KCNQ1: variants seen among roughly 807,000 people sequenced by gnomAD.
KCNQ1 encodes the protein potassium voltage-gated channel subfamily Q member 1.
In KCNQ1, 49 loss-of-function variants were observed where a neutral mutation model predicts 72.4. The ratio of observed to expected loss-of-function variants is 0.68; its 90% confidence interval spans 0.54 to 0.86. The LOEUF is 0.86. Ranked by LOEUF, KCNQ1 falls within the 40% of genes least tolerant of loss-of-function variation. The probability of loss-of-function intolerance (pLI) is 0.00; values close to 1 mark genes in which losing one functional copy is unlikely to be tolerated. For missense variants in KCNQ1, 790 were observed against 945.1 expected, an observed-to-expected ratio of 0.84 and a Z score of 2.15; for synonymous variants, 450 against 412.6, an observed-to-expected ratio of 1.09 and a Z score of -1.10.
intron 11 of KCNQ1, among the ~76,000 whole-genome samples, chr11:2,743,224 C>T (rs1290345240): frequency 1.3e-5 from 2 of 152,100 alleles, no homozygotes; most frequent in African/African-American, 2.4e-5. Flanking sequence ...CCTAGACTCC[C>T]GTACCATGCG....
Position 2,621,384 on chromosome 11 carries a change from A to G in KCNQ1, c.1393+32530A>G, listed in dbSNP as rs538476426. On this transcript the variant is annotated intron_variant, in intron 10 of 15. Transcript: ENST00000155840. The surrounding 1 kb of genome is among the most constrained non-coding windows in gnomAD (Gnocchi z 5.7). ...TATGTTCCTGTCCTTTGCCAATTCA[A>G]TTGGATTATTCGTTTTTTGCTTGTT... 4 of 398,496 alleles carry G rather than the reference A, an allele frequency of 1.0e-5. No homozygotes were observed. The highest frequency in any genetic ancestry group is 2.1e-5 in the African/African-American group (1 of 48,700). The allele number at this position is 398,496 out of a possible 1,614,324, so 24.7% of individuals were successfully genotyped here.
At chr11:2,821,628 T>C (rs537578611) in intron 15 of KCNQ1, among the ~76,000 whole-genome samples, 112 of 152,274 alleles carry the variant, frequency 7.4e-4, no homozygotes, top group Non-Finnish European at 1.4e-3. Flanking sequence ...TCCAAGGCCT[T>C]TGGGATGGGC....
intron 15 of KCNQ1, among the ~76,000 whole-genome samples, chr11:2,779,826 G>T (rs930004385): frequency 2.6e-5 from 4 of 152,218 alleles, no homozygotes; most frequent in African/African-American, 9.6e-5. Context: ...GTCGGTGTGG[G>T]GGCCTGCAGA....
intron 15 of KCNQ1, among the ~76,000 whole-genome samples, chr11:2,779,968 T>C (rs2133995009): frequency 6.6e-6 from 1 of 152,356 alleles, no homozygotes; most frequent in African/African-American, 2.4e-5. Context: ...GGCCACATCC[T>C]GGTGCCCTGT....
chr11:2,616,992 ATATT>A, intron 10 of KCNQ1: 2 of 397,920 alleles, frequency 5.0e-6, no homozygotes, highest in South Asian at 2.5e-4. Context: ...AAAAATATGC[ATATT>A]TAGTGTATAA....
Position 2,703,186 on chromosome 11 carries a change from C to T in KCNQ1, c.1514+41105C>T, listed in dbSNP as rs1273863095. Among the ~76,000 whole-genome samples the T allele has an allele frequency of 6.6e-6, 1 of 152,154 alleles. No homozygotes were observed. The highest frequency in any genetic ancestry group is 1.5e-5 in the Non-Finnish European group (1 of 68,028). On this transcript the variant is annotated intron_variant, in intron 11 of 15. Coordinates refer to ENST00000155840, the MANE Select transcript of KCNQ1 (RefSeq NM_000218.3). This position sits in a 1 kb window ranked among gnomAD's most constrained non-coding sequence, Gnocchi z 6.4. Reference sequence around the variant, plus strand: ...ATGGCAGAATTCTGGGAGGGGGCTGCAGTCACGGCCAGCTCCCTTTCTGAA... The same window carrying T: ...ATGGCAGAATTCTGGGAGGGGGCTGTAGTCACGGCCAGCTCCCTTTCTGAA...
rs1413774189 is a variant in KCNQ1 at position 2,816,262 on chromosome 11, C to A, written c.1795-31505C>A. The stretch of plus-strand genomic sequence containing the variant: ...AAAGATTCAGGTTGTGGGAGGGAGA[C>A]TTGAAGGGCAAGTTGGCCAAGACTA... On this transcript the variant is annotated intron_variant, in intron 15 of 15. Coordinates refer to ENST00000155840, the MANE Select transcript of KCNQ1 (RefSeq NM_000218.3). This position sits in a 1 kb window ranked among gnomAD's most constrained non-coding sequence, Gnocchi z 6.8. 6.6e-6 allele frequency among the ~76,000 whole-genome samples: 1 copy of A among 152,176 alleles called. No individual in the cohort carries two copies. Among genetic ancestry groups the A allele is most frequent in the Non-Finnish European group, 1.5e-5 (1 of 68,036 alleles).
intron 2 of KCNQ1, among the ~76,000 whole-genome samples, chr11:2,552,499 C>T (rs990261154): frequency 2.0e-5 from 3 of 152,176 alleles, no homozygotes; most frequent in African/African-American, 7.2e-5. Flanking sequence ...TGTTAATCCT[C>T]CAATTTTGTT....
In KCNQ1 at chr11:2,674,272, A is replaced by G; in HGVS notation, c.1514+12191A>G. Reference sequence around the variant, plus strand: ...GCCCCTCTCTCCCAGCCCCCGGCACACACACTAGGACCTTTCTTCATCATG... The same window carrying G: ...GCCCCTCTCTCCCAGCCCCCGGCACGCACACTAGGACCTTTCTTCATCATG... On this transcript the variant is annotated intron_variant, in intron 11 of 15. Transcript: ENST00000155840. The surrounding 1 kb of genome is among the most constrained non-coding windows in gnomAD (Gnocchi z 5.9). 1 of 398,654 alleles carries G rather than the reference A, an allele frequency of 2.5e-6. No individual in the cohort carries two copies. Among genetic ancestry groups the G allele is most frequent in the Admixed American group, 4.4e-5 (1 of 22,738 alleles). The allele number at this position is 398,654 out of a possible 1,614,324, so 24.7% of individuals were successfully genotyped here. A position where few individuals can be genotyped will look rare whatever the true frequency, so the allele number is the denominator to read the frequency against.
Position 2,608,766 on chromosome 11 carries a change from G to A in KCNQ1, c.1393+19912G>A, listed in dbSNP as rs891199891. On this transcript the variant is annotated intron_variant, in intron 10 of 15. Transcript: ENST00000155840. The surrounding 1 kb of genome is among the most constrained non-coding windows in gnomAD (Gnocchi z 4.6). ...GGCCTCCCAAAGTGCTGGGATTACA[G>A]GTGTGAGCCACTGCAGCTAGCCTCG... The A allele has an allele frequency of 7.5e-6, 3 of 398,526 alleles. No homozygotes were observed. Among genetic ancestry groups the A allele is most frequent in the African/African-American group, 6.2e-5 (3 of 48,636 alleles). 24.7% of individuals were successfully genotyped at this position (398,526 alleles called of 1,614,324 possible).
intron 10 of KCNQ1, among the ~76,000 whole-genome samples, chr11:2,596,396 G>A (rs1470905930): frequency 1.3e-5 from 2 of 152,120 alleles, no homozygotes; most frequent in Non-Finnish European, 2.9e-5. Flanking sequence ...AATATTCATA[G>A]CAGCTTTATA....
intron 15 of KCNQ1, among the ~76,000 whole-genome samples, chr11:2,814,386 G>A (rs548660262): frequency 6.6e-6 from 1 of 151,584 alleles, no homozygotes; most frequent in Admixed American, 6.6e-5. Flanking sequence ...TAAATGGAGG[G>A]AAGGAGAGCT....
At chr11:2,689,294 A>G (rs1369399329) in intron 11 of KCNQ1, 8 of 398,314 alleles carry the variant, frequency 2.0e-5, no homozygotes, top group Non-Finnish European at 2.7e-5. Flanking sequence ...TCCCACTCCA[A>G]CCCTAAGACT....
intron 11 of KCNQ1, chr11:2,666,563 T>C (rs1850071956): frequency 2.5e-6 from 1 of 398,668 alleles, no homozygotes; most frequent in Non-Finnish European, 4.4e-6. Flanking sequence ...ATTCTGCATT[T>C]GTCAGCAAGG....
intron 1 of KCNQ1, among the ~76,000 whole-genome samples, chr11:2,500,068 T>C (rs1298909805): frequency 6.6e-6 from 1 of 152,216 alleles, no homozygotes; most frequent in African/African-American, 2.4e-5. Context: ...TGCTCCTGAA[T>C]GACCAGAGGG....
At chr11:2,527,490 G>A (rs1455328603) in intron 1 of KCNQ1, among the ~76,000 whole-genome samples, 3 of 152,214 alleles carry the variant, frequency 2.0e-5, no homozygotes, top group Non-Finnish European at 2.9e-5. Flanking sequence ...AATGTTCAGA[G>A]TTGTGTAGCC....
intron 1 of KCNQ1, among the ~76,000 whole-genome samples, chr11:2,510,781 GA>G (rs1847187376): frequency 6.6e-6 from 1 of 152,216 alleles, no homozygotes; most frequent in African/African-American, 2.4e-5. Context: ...CAGGTCCTGG[GA>G]AGGCTGGCAC....
rs1848986281 is a variant in KCNQ1, at chr11:2,612,042, T to C, written c.1393+23188T>C. 4 of 398,526 alleles carry C rather than the reference T, an allele frequency of 1.0e-5. No individual in the cohort carries two copies. The highest frequency in any genetic ancestry group is 1.8e-5 in the Non-Finnish European group (4 of 226,086). The allele number at this position is 398,526 out of a possible 1,614,324, so 24.7% of individuals were successfully genotyped here. A position where few individuals can be genotyped will look rare whatever the true frequency, so the allele number is the denominator to read the frequency against. On this transcript the variant is annotated intron_variant, in intron 10 of 15. Transcript: ENST00000155840. The surrounding 1 kb of genome is among the most constrained non-coding windows in gnomAD (Gnocchi z 5.5). ...TTCCACATATGTTTTCTACTCTTAA[T>C]TACATATATGTTACAACTTAATTAC...
rs1464265095 is a variant in KCNQ1 at position 2,677,033 on chromosome 11, T to C, written c.1514+14952T>C. Reference sequence around the variant, plus strand: ...ATTTATGGAACAGATCCTCTGTTGATGGATATGTAGGGCAGCTAAAAAACA... The same window carrying C: ...ATTTATGGAACAGATCCTCTGTTGACGGATATGTAGGGCAGCTAAAAAACA... On this transcript the variant is annotated intron_variant, in intron 11 of 15. Transcript: ENST00000155840. The surrounding 1 kb of genome is among the most constrained non-coding windows in gnomAD (Gnocchi z 4.5). 2.5e-6 allele frequency: 1 copy of C among 398,538 alleles called. No homozygotes were observed. Among genetic ancestry groups the C allele is most frequent in the Non-Finnish European group, 4.4e-6 (1 of 226,072 alleles). The allele number at this position is 398,538 out of a possible 1,614,324, so 24.7% of individuals were successfully genotyped here.
Sources: gnomAD v4.1 joint callset for allele counts (sites outside exome capture counted in the v4.1 genomes callset) on GRCh38, gnomAD v4.1.1 for gene constraint, Gnocchi (gnomAD v3.1) non-coding constraint, MANE v1.5 for transcripts, NCBI Gene and HGNC (gene_info 2026-07-23, HGNC 2026-07-21) for gene names.